The following CST9L variants were observed in gnomAD, a reference collection of about 807,000 sequenced individuals.
CST9L encodes the protein cystatin-9-like.
CST9L carries 17 observed loss-of-function variants against 13.2 expected under a neutral mutation model. The ratio of observed to expected loss-of-function variants is 1.29; its 90% CI spans 0.88 to 1.93. CST9L has a LOEUF of 1.93. Ranked by LOEUF, CST9L falls within the 30% of genes most tolerant of loss-of-function variation. The pLI, the probability that CST9L is intolerant of heterozygous loss-of-function variation, is 0.00. For synonymous variants in CST9L, 78 were observed against 69.1 expected (o/e 1.13, Z -0.64); for missense variants, 170 against 170.5 (o/e 1.00, Z 0.02).
chr20:23,567,049 C>T (rs899886006), intron 1 of CST9L, among the ~76,000 whole-genome samples: 1 of 152,196 alleles, frequency 6.6e-6, no homozygotes, highest in Non-Finnish European at 1.5e-5. Flanking sequence ...CAGGAACCCA[C>T]GTGGCAGGCT....
At position 23,565,021 on chromosome 20, in the gene CST9L, A is replaced by C. The variant is rs146390169; in HGVS notation, c.371T>G (p.Phe124Cys). 4.2e-5 allele frequency: 68 copies of C among 1,613,728 alleles called. No homozygotes were observed. In the African/African-American group the frequency reaches 9.1e-4, roughly 22 times the overall value. The change falls in exon 3 of 3, where the codon TTC becomes TGC. Residue 124 changes from phenylalanine to cysteine, a missense_variant. By Grantham distance (205) the Phe-to-Cys change is radical. Transcript: ENST00000376979. ...CATCCAGGGCCTGGTGCTGATGGTGAAGAAGCAGGTGAAAGTCTGAGAGAA... is the reference window on the plus strand; with the variant it reads ...CATCCAGGGCCTGGTGCTGATGGTGCAGAAGCAGGTGAAAGTCTGAGAGAA... ...TELNNTFTCF[F>C]TISTRPWMTQ...
chr20:23,568,335 T>G lies in CST9L; in HGVS notation c.116A>C (p.Glu39Ala). ...GAGGTAACGAGCCATGACATTGTGT[T>G]CATCACAGTCCCTTTGCTCGTGGAA... ...WHFHEQRDCD[E>A]HNVMARYLPA... Residue 39 changes from glutamate to alanine, a missense_variant, in exon 1 of 3, where the codon GAA becomes GCA. Transcript: ENST00000376979. 1 of 1,614,200 alleles carries G rather than the reference T, an allele frequency of 6.2e-7. No homozygotes were observed. The highest frequency in any genetic ancestry group is 8.5e-7 in the Non-Finnish European group (1 of 1,180,050).
chr20:23,565,243 A>G (rs1989074786), intron 2 of CST9L, among the ~76,000 whole-genome samples: 1 of 152,114 alleles, frequency 6.6e-6, no homozygotes, highest in African/African-American at 2.4e-5. Context: ...CTCTTTTCTG[A>G]CCCAGGGGCG....
At chr20:23,565,577 C>A (rs982689575) in intron 2 of CST9L, among the ~76,000 whole-genome samples, 2 of 152,014 alleles carry the variant, frequency 1.3e-5, no homozygotes, top group African/African-American at 4.8e-5. Context: ...GTAAGGAAAC[C>A]CTGAGAACTG....
At position 23,568,385 on chromosome 20, in the gene CST9L, C is replaced by T. The variant is rs757004110; in HGVS notation, c.66G>A (p.Gln22=). ...WALLLLLLGS[Q]ILLIYAWHFH... The stretch of plus-strand genomic sequence containing the variant: ...AATGCCAGGCATAGATCAGCAGGAT[C>T]TGGGAGCCTAAGAGAAGCAGCAGCA... The change falls in exon 1 of 3, where the codon CAG becomes CAA. Residue 22 remains glutamine, a synonymous_variant. Transcript: ENST00000376979. The T allele has an allele frequency of 4.3e-5, 69 of 1,614,126 alleles. No homozygotes were observed. The East Asian group carries it at 1.5e-3, about 35-fold the overall frequency.
At position 23,568,202 on chromosome 20, in the gene CST9L, GT is replaced by G. The variant is rs1474087347; in HGVS notation, c.240+8del. On this transcript the variant is annotated splice_region_variant and intron_variant, in intron 1 of 2. Coordinates refer to ENST00000376979, the MANE Select transcript of CST9L (RefSeq NM_080610.3). ...AGATGCCAGGGCAGGAGGGTACGTG[GT>G]CACCAACCTGCTCCTTCCAGGAATT... The G allele has an allele frequency of 1.9e-6, 3 of 1,614,076 alleles. No homozygotes were observed. Among genetic ancestry groups the G allele is most frequent in the Non-Finnish European group, 2.5e-6 (3 of 1,179,980 alleles).
At chr20:23,567,872 C>G (rs1434034402) in intron 1 of CST9L, among the ~76,000 whole-genome samples, 1 of 152,042 alleles carries the variant, frequency 6.6e-6, no homozygotes, top group Non-Finnish European at 1.5e-5. Context: ...CAATTTCTCT[C>G]TATTCACATT....
intron 1 of CST9L, 73 bp downstream of exon 1, chr20:23,568,138 C>T (rs1041114830): frequency 6.5e-7 from 1 of 1,549,178 alleles, no homozygotes; most frequent in South Asian, 1.1e-5. Context: ...GACCCCCTGT[C>T]CCCACCCCAC....
chr20:23,566,156 T>A (rs1989093226), intron 1 of CST9L, 69 bp from the exon 2 acceptor site: 2 of 889,660 alleles, frequency 2.2e-6, no homozygotes, highest in Non-Finnish European at 3.8e-6. Context: ...CTGGTGAAGA[T>A]GTCATTTGTG....
intron 2 of CST9L, 148 bp downstream of exon 2, chr20:23,565,826 C>T: frequency 1.5e-6 from 1 of 675,522 alleles, no homozygotes; most frequent in East Asian, 2.6e-5. Flanking sequence ...CCTCTGCGCT[C>T]CCCACTAAGG....
At chr20:23,566,821 G>C (rs1027165205) in intron 1 of CST9L, among the ~76,000 whole-genome samples, 11 of 152,210 alleles carry the variant, frequency 7.2e-5, no homozygotes, top group Non-Finnish European at 1.2e-4. Context: ...CCGGGAGGCA[G>C]AGGTTGCAGG....
In CST9L at chr20:23,566,067, G is replaced by C; in HGVS notation, c.261C>G (p.Phe87Leu). The change falls in exon 2 of 3, where the codon TTC becomes TTG. Residue 87 changes from phenylalanine (F) to leucine (L), a missense_variant. Physicochemically the swap from Phe to Leu is conservative, Grantham distance 22 (BLOSUM62 0). Coordinates refer to ENST00000376979, the MANE Select transcript of CST9L (RefSeq NM_080610.3). Reference protein sequence around the residue: ...WKEQVESKTVFSMELLLGRTR... With the variant: ...WKEQVESKTVLSMELLLGRTR... ...TTCTCCCCAGCAGTAGCTCCATTGAGAATACAGTCTTGGACTCCACCTATT... is the reference window on the plus strand; with the variant it reads ...TTCTCCCCAGCAGTAGCTCCATTGACAATACAGTCTTGGACTCCACCTATT... The C allele has an allele frequency of 6.2e-7, 1 of 1,603,692 alleles. No individual in the cohort carries two copies. The highest frequency in any genetic ancestry group is 1.3e-5 in the African/African-American group (1 of 74,882).
chr20:23,565,286 C>T (rs1600330727), intron 2 of CST9L, among the ~76,000 whole-genome samples: 1 of 152,186 alleles, frequency 6.6e-6, no homozygotes, highest in Non-Finnish European at 1.5e-5. Context: ...CTAGCAGTGG[C>T]CCTCAGGGGA....
At chr20:23,567,626 C>T (rs984081427) in intron 1 of CST9L, among the ~76,000 whole-genome samples, 24 of 150,896 alleles carry the variant, frequency 1.6e-4, no homozygotes, top group Non-Finnish European at 7.4e-5. Context: ...AAAAGGAGAA[C>T]ATTTAGGATT....
intron 2 of CST9L, 103 bp downstream of exon 2, chr20:23,565,871 G>A: frequency 1.3e-6 from 1 of 773,242 alleles, no homozygotes; most frequent in Non-Finnish European, 2.4e-6. Flanking sequence ...GCTGCTGCAG[G>A]CTCACTCCTC....
intron 1 of CST9L, among the ~76,000 whole-genome samples, chr20:23,566,984 T>C (rs1409826419): frequency 1.3e-5 from 2 of 152,256 alleles, no homozygotes; most frequent in East Asian, 3.9e-4. Flanking sequence ...CCATCTCCTT[T>C]CTCCCTATCC....
At position 23,568,293 on chromosome 20, in the gene CST9L, A is replaced by G; in HGVS notation, c.158T>C (p.Phe53Ser). ...MARYLPATVEFAVHTFNQQSK... is the reference protein window; with the variant it reads ...MARYLPATVESAVHTFNQQSK... ...CTGTTGGTTGAATGTGTGGACAGCAAACTCCACTGTGGCAGGGAGGTAACG... is the reference window on the plus strand; with the variant it reads ...CTGTTGGTTGAATGTGTGGACAGCAGACTCCACTGTGGCAGGGAGGTAACG... The change falls in exon 1 of 3, where the codon TTT becomes TCT. Residue 53 changes from phenylalanine to serine, a missense_variant. Phe to Ser is a radical substitution (Grantham distance 155). Transcript: ENST00000376979. The G allele has an allele frequency of 6.2e-7, 1 of 1,614,166 alleles. No homozygotes were observed. The highest frequency in any genetic ancestry group is 8.5e-7 in the Non-Finnish European group (1 of 1,180,018).
chr20:23,567,879 C>CA (rs1303333129), intron 1 of CST9L, among the ~76,000 whole-genome samples: 1 of 152,056 alleles, frequency 6.6e-6, no homozygotes, highest in Non-Finnish European at 1.5e-5. Context: ...TCTCTATTCA[C>CA]ATTTTCTGTT....
rs1439633553 is a variant in CST9L at position 23,568,063 on chromosome 20, C to G, written c.240+148G>C. The G allele has an allele frequency of 6.9e-6, 5 of 725,176 alleles. No individual in the cohort carries two copies. In the African/African-American group the frequency reaches 7.1e-5, roughly 10 times the overall value. 44.9% of individuals were successfully genotyped at this position (725,176 alleles called of 1,614,324 possible). On this transcript the variant is annotated intron_variant, in intron 1 of 2. Coordinates refer to ENST00000376979, the MANE Select transcript of CST9L (RefSeq NM_080610.3). ...ACTTAGATGTTTTCAAAATCAAAAA[C>G]TAACTAAACTACCTTGTATTTTCTT...
Sources: allele counts gnomAD v4.1 joint callset (sites outside exome capture counted in the v4.1 genomes callset), GRCh38; gene constraint gnomAD v4.1.1; transcripts MANE v1.5; gene names NCBI Gene and HGNC (gene_info 2026-07-23, HGNC 2026-07-21).